MEGF11: variants seen among roughly 807,000 people sequenced by gnomAD.
The protein encoded by MEGF11 is multiple EGF like domains 11.
MEGF11 carries 126 observed loss-of-function variants against 146.6 expected under a neutral mutation model. That is an observed-to-expected ratio of 0.86 (90% CI 0.74 to 1.00). The LOEUF (loss-of-function observed/expected upper bound fraction) is 1.00. Among genes scored for constraint, MEGF11 ranks in the 50% least tolerant of loss-of-function variants. The pLI, the probability that MEGF11 is intolerant of heterozygous loss-of-function variation, is 0.00. For synonymous variants in MEGF11, 532 were observed against 583.4 expected, an observed-to-expected ratio of 0.91 and a Z score of 1.27; for missense variants, 1,509 against 1,521.2, an observed-to-expected ratio of 0.99 and a Z score of 0.13.
Position 66,172,134 on chromosome 15 carries a change from C to T in MEGF11, c.-8-43723G>A, listed in dbSNP as rs541999078. On this transcript the variant is annotated intron_variant, in intron 1 of 25. Transcript: ENST00000395614. Reference sequence around the variant, plus strand: ...TGGCTCAGTGAGGGAGATGGTCCTCCGCCTCCTCCAGGACTAGGCTGGAGT... The same window carrying T: ...TGGCTCAGTGAGGGAGATGGTCCTCTGCCTCCTCCAGGACTAGGCTGGAGT... 3.3e-5 allele frequency among the ~76,000 whole-genome samples: 5 copies of T among 152,270 alleles called. No homozygotes were observed. In the South Asian group the frequency reaches 8.3e-4, roughly 25 times the overall value.
intron 2 of MEGF11, 132 bp downstream of exon 2, chr15:66,128,174 G>T: frequency 2.0e-6 from 1 of 509,902 alleles, no homozygotes; most frequent in South Asian, 4.0e-5. Context: ...CTCAGCATGT[G>T]GGCCATCTCC....
chr15:66,085,530 C>T (rs955301664), intron 5 of MEGF11, among the ~76,000 whole-genome samples: 5 of 152,164 alleles, frequency 3.3e-5, no homozygotes, highest in African/African-American at 7.2e-5. Flanking sequence ...AGTACCAACC[C>T]GGAGCTGGGT....
chr15:66,042,152 C>T (rs1245000160), intron 5 of MEGF11, among the ~76,000 whole-genome samples: 2 of 150,080 alleles, frequency 1.3e-5, no homozygotes, highest in East Asian at 3.9e-4. Flanking sequence ...ACTCCATCAC[C>T]CAGGCTGGAG....
At chr15:66,062,750 G>C (rs1350400800) in intron 5 of MEGF11, among the ~76,000 whole-genome samples, 1 of 152,200 alleles carries the variant, frequency 6.6e-6, no homozygotes, top group African/African-American at 2.4e-5. Flanking sequence ...AGGTGACATA[G>C]TGAGCTTTGT....
intron 1 of MEGF11, among the ~76,000 whole-genome samples, chr15:66,190,574 G>A (rs1372069847): frequency 6.6e-6 from 1 of 152,166 alleles, no homozygotes; most frequent in African/African-American, 2.4e-5. Flanking sequence ...GAAAGGAGTG[G>A]AGGAAGAGGG....
intron 1 of MEGF11, among the ~76,000 whole-genome samples, chr15:66,190,128 G>A (rs2090830604): frequency 6.6e-6 from 1 of 152,192 alleles, no homozygotes; most frequent in African/African-American, 2.4e-5. Flanking sequence ...GCATGTCTAA[G>A]CTCTCTGGGT....
intron 7 of MEGF11, among the ~76,000 whole-genome samples, chr15:65,977,106 T>C (rs2081475526): frequency 7.3e-6 from 1 of 136,094 alleles, no homozygotes; most frequent in Non-Finnish European, 1.5e-5. Flanking sequence ...GAGGCGGAGC[T>C]TGCAGTGAGC....
rs138662196 is a variant in MEGF11, at chr15:66,160,783, G to A, written c.-8-32372C>T. Among the ~76,000 whole-genome samples, 16 of 151,580 alleles carry A rather than the reference G, an allele frequency of 1.1e-4. No homozygotes were observed. In the East Asian group the frequency reaches 2.9e-3, roughly 28 times the overall value. ...AAGAGGTGATTAAGAACATAAATAA[G>A]TAAATGATGTATCTGTTATGTGGTG... On this transcript the variant is annotated intron_variant, in intron 1 of 25. Coordinates refer to ENST00000395614, the MANE Select transcript of MEGF11 (RefSeq NM_001385028.1).
At chr15:66,039,141 G>C (rs1158558998) in intron 5 of MEGF11, among the ~76,000 whole-genome samples, 6 of 152,214 alleles carry the variant, frequency 3.9e-5, no homozygotes, top group Admixed American at 3.3e-4. Flanking sequence ...CTATGCGATA[G>C]AATTTGAGGG....
At chr15:65,992,085 A>T (rs1438234020) in intron 5 of MEGF11, among the ~76,000 whole-genome samples, 1 of 152,220 alleles carries the variant, frequency 6.6e-6, no homozygotes, top group Non-Finnish European at 1.5e-5. Flanking sequence ...TGTCTCGGGC[A>T]GCAGGGCAGG....
chr15:66,134,818 G>A (rs1412163531), intron 1 of MEGF11, among the ~76,000 whole-genome samples: 3 of 152,264 alleles, frequency 2.0e-5, no homozygotes, highest in Non-Finnish European at 4.4e-5. Context: ...GCCACATGGT[G>A]TCAGAACTGG....
chr15:66,163,123 A>T (rs796240224), intron 1 of MEGF11, among the ~76,000 whole-genome samples: 19 of 152,298 alleles, frequency 1.2e-4, no homozygotes, highest in African/African-American at 4.3e-4. Context: ...GTCTACGGTT[A>T]CCGCCACACC....
intron 5 of MEGF11, among the ~76,000 whole-genome samples, chr15:66,034,458 C>T (rs923419643): frequency 2.7e-5 from 4 of 150,610 alleles, no homozygotes; most frequent in African/African-American, 9.8e-5. Flanking sequence ...CTCACTCTGT[C>T]ACCCAGGCTG....
intron 5 of MEGF11, among the ~76,000 whole-genome samples, chr15:66,083,740 C>T (rs1181481794): frequency 6.6e-6 from 1 of 151,954 alleles, no homozygotes; most frequent in Non-Finnish European, 1.5e-5. Context: ...ATAGTGAGAT[C>T]CTGTATTTAC....
At chr15:65,976,300 C>G (rs2081445505) in intron 7 of MEGF11, among the ~76,000 whole-genome samples, 2 of 152,178 alleles carry the variant, frequency 1.3e-5, no homozygotes, top group Admixed American at 1.3e-4. Context: ...CTCGGCCTCC[C>G]AAAGTACTGG....
Position 66,117,597 on chromosome 15 carries a change from C to T in MEGF11, c.301+1489G>A, listed in dbSNP as rs149020599. Among the ~76,000 whole-genome samples, 16 of 152,298 alleles carry T rather than the reference C, an allele frequency of 1.1e-4. No homozygotes were observed. The East Asian group carries it at 1.9e-3, about 18-fold the overall frequency. ...ACTCCCTTCATAATTTCCCTGAGTC[C>T]ATCACTGGGCCCTGAGCTTGCGCGG... On this transcript the variant is annotated intron_variant, in intron 4 of 25. Transcript: ENST00000395614.
At chr15:66,094,563 G>T in intron 4 of MEGF11, 69 bp from the exon 5 acceptor site, 1 of 1,358,218 alleles carries the variant, frequency 7.4e-7, no homozygotes, top group Non-Finnish European at 1.0e-6. Flanking sequence ...TGGTCAAGGA[G>T]CATAATCCAT....
rs561476272 is a variant in MEGF11 at position 65,982,284 on chromosome 15, C to A, written c.599G>T (p.Arg200Leu). Residue 200 changes from arginine to leucine, a missense_variant, in exon 6 of 26, where the codon CGC (arginine) becomes CTC (leucine). Arg to Leu is a moderately radical substitution (Grantham distance 102, BLOSUM62 -2). Transcript: ENST00000395614. This position sits in a 1 kb window ranked among gnomAD's most constrained non-coding sequence, Gnocchi z 5.6. ...AGGTGCGCAGAGGCACTCGCCGGCG[C>A]GGGGGTCGCAGCTGGCACCGTGTCG... is the stretch of plus-strand genomic sequence containing the variant. Reference protein sequence around the residue: ...QCRHGASCDPRAGECLCAPGY... With the variant: ...QCRHGASCDPLAGECLCAPGY... The A allele has an allele frequency of 6.5e-7, 1 of 1,540,488 alleles. No homozygotes were observed. The highest frequency in any genetic ancestry group is 1.4e-5 in the African/African-American group (1 of 72,974).
At chr15:66,184,958 A>G (rs1329000436) in intron 1 of MEGF11, among the ~76,000 whole-genome samples, 1 of 151,806 alleles carries the variant, frequency 6.6e-6, no homozygotes, top group Non-Finnish European at 1.5e-5. Context: ...CACTCACTCC[A>G]TCTGCATGCA....
Sources: gnomAD v4.1 joint callset for allele counts (sites outside exome capture counted in the v4.1 genomes callset) on GRCh38, gnomAD v4.1.1 for gene constraint, Gnocchi (gnomAD v3.1) non-coding constraint, MANE v1.5 for transcripts, NCBI Gene and HGNC (gene_info 2026-07-23, HGNC 2026-07-21) for gene names.